PAFAH1B1: variants seen among roughly 807,000 people sequenced by gnomAD.
PAFAH1B1 encodes the protein platelet-activating factor acetylhydrolase IB subunit beta.
A neutral mutation model predicts 57.5 loss-of-function variants in PAFAH1B1; 2 were observed. The ratio of observed to expected loss-of-function variants is 0.03; its 90% CI spans 0.01 to 0.11. PAFAH1B1 has a LOEUF of 0.11. Ranked by LOEUF, PAFAH1B1 falls within the 10% of genes least tolerant of loss-of-function variation. PAFAH1B1 has a pLI of 1.00. For synonymous variants in PAFAH1B1, 152 were observed against 169.6 expected (o/e 0.90, Z 0.81); for missense variants, 257 against 512.0 (o/e 0.50, Z 4.81).
chr17:2,624,618 G>A (rs988457990), intron 1 of PAFAH1B1, among the ~76,000 whole-genome samples: 4 of 152,182 alleles, frequency 2.6e-5, no homozygotes, highest in South Asian at 4.1e-4. Context: ...GCACAGGAAA[G>A]ACTGGCCCCG....
At chr17:2,624,766 C>T (rs2068467234) in intron 1 of PAFAH1B1, among the ~76,000 whole-genome samples, 1 of 152,140 alleles carries the variant, frequency 6.6e-6, no homozygotes, top group African/African-American at 2.4e-5. Context: ...TAGTCTTGAA[C>T]TCCTGGGCTC....
intron 3 of PAFAH1B1, 113 bp from the exon 4 acceptor site, chr17:2,665,903 C>G: frequency 8.8e-7 from 1 of 1,141,604 alleles, no homozygotes; most frequent in Non-Finnish European, 1.2e-6. Flanking sequence ...CCCAGCCACT[C>G]CCTTTTTTTA....
chr17:2,629,616 T>A (rs1308503547), intron 1 of PAFAH1B1, among the ~76,000 whole-genome samples: 2 of 152,194 alleles, frequency 1.3e-5, no homozygotes, highest in African/African-American at 4.8e-5. Context: ...CAGGGTATAG[T>A]TTAAATCCGT....
At chr17:2,647,668 C>T (rs1309840666) in intron 2 of PAFAH1B1, among the ~76,000 whole-genome samples, 6 of 152,186 alleles carry the variant, frequency 3.9e-5, no homozygotes, top group Non-Finnish European at 8.8e-5. Context: ...CATCCACTCT[C>T]ATGCTGCTAA....
rs1300448481 is a variant in PAFAH1B1 at position 2,682,303 on chromosome 17, A to G, written c.*501A>G. The G allele has an allele frequency of 1.3e-5, 2 of 153,550 alleles. No homozygotes were observed. Among genetic ancestry groups the G allele is most frequent in the African/African-American group, 4.8e-5 (2 of 41,480 alleles). The allele number at this position is 153,550 out of a possible 1,614,324, so 9.5% of individuals were successfully genotyped here. ...ATTTTAGATGATAAGGCTACAATTC[A>G]GAATCTTCTGAACCATCTATGTAAT... On this transcript the variant is annotated 3_prime_UTR_variant, in exon 11 of 11. Coordinates refer to ENST00000397195, the MANE Select transcript of PAFAH1B1 (RefSeq NM_000430.4).
intron 1 of PAFAH1B1, among the ~76,000 whole-genome samples, chr17:2,621,250 A>C (rs1000794809): frequency 1.3e-5 from 2 of 152,016 alleles, no homozygotes; most frequent in African/African-American, 4.8e-5. Context: ...GAAAGGCCCC[A>C]GTGTGTGTGG....
At chr17:2,612,783 A>AT (rs1420273270) in intron 1 of PAFAH1B1, among the ~76,000 whole-genome samples, 1 of 150,936 alleles carries the variant, frequency 6.6e-6, no homozygotes, top group Non-Finnish European at 1.5e-5. Context: ...GCTGTTTTTG[A>AT]TTTTTTGTAG....
intron 1 of PAFAH1B1, among the ~76,000 whole-genome samples, chr17:2,615,174 CTA>C (rs1237204869): frequency 1.3e-5 from 2 of 151,946 alleles, no homozygotes; most frequent in East Asian, 3.8e-4. Flanking sequence ...TCTAAGTAAT[CTA>C]GAGATGATTT....
At position 2,681,819 on chromosome 17, in the gene PAFAH1B1, C is replaced by T. The variant is rs6628; in HGVS notation, c.*17C>T. 0.23 allele frequency: 371,452 copies of T among 1,589,384 alleles called. 45,961 individuals carry two copies. Among genetic ancestry groups the T allele is most frequent in the Non-Finnish European group, 0.26 (301,192 of 1,160,178 alleles). ...TGCCGTTGATTGTGTCTCCTTCGGCCCCTCCTCCCTCTTTTCCTCTGGATG... is the reference window on the plus strand; with the variant it reads ...TGCCGTTGATTGTGTCTCCTTCGGCTCCTCCTCCCTCTTTTCCTCTGGATG... On this transcript the variant is annotated 3_prime_UTR_variant, in exon 11 of 11. Transcript: ENST00000397195.
At position 2,682,247 on chromosome 17, in the gene PAFAH1B1, C is replaced by G. The variant is rs968776582; in HGVS notation, c.*445C>G. 1 of 155,140 alleles carries G rather than the reference C, an allele frequency of 6.4e-6. No individual in the cohort carries two copies. The highest frequency in any genetic ancestry group is 1.4e-5 in the Non-Finnish European group (1 of 69,668). 9.6% of individuals were successfully genotyped at this position (155,140 alleles called of 1,614,324 possible). ...TGAAATGTGTATCTATGTAACATCA[C>G]TTAAGTGTGCTTAATAAATCTTCTG... On this transcript the variant is annotated 3_prime_UTR_variant, in exon 11 of 11. Coordinates refer to ENST00000397195, the MANE Select transcript of PAFAH1B1 (RefSeq NM_000430.4).
chr17:2,621,821 G>A (rs1451201665), intron 1 of PAFAH1B1, among the ~76,000 whole-genome samples: 4 of 151,764 alleles, frequency 2.6e-5, no homozygotes, highest in African/African-American at 7.3e-5. Context: ...TGGGGTGTAT[G>A]TATTCGTTCG....
intron 5 of PAFAH1B1, 155 bp downstream of exon 5, chr17:2,667,353 A>G (rs775604773): frequency 3.0e-5 from 19 of 631,014 alleles, no homozygotes; most frequent in Non-Finnish European, 5.4e-5. Flanking sequence ...AAGCAGACTT[A>G]ATAGGGTGAA....
chr17:2,650,254 G>T (rs1163581750), intron 2 of PAFAH1B1, among the ~76,000 whole-genome samples: 1 of 152,106 alleles, frequency 6.6e-6, no homozygotes, highest in Non-Finnish European at 1.5e-5. Flanking sequence ...GCTCACGCCT[G>T]TAATCCCAAC....
At chr17:2,611,631 T>G (rs2068267843) in intron 1 of PAFAH1B1, among the ~76,000 whole-genome samples, 1 of 152,178 alleles carries the variant, frequency 6.6e-6, no homozygotes, top group South Asian at 2.1e-4. Flanking sequence ...GGTTTTTGTT[T>G]GTTTTGAGTC....
intron 7 of PAFAH1B1, 24 bp from the exon 8 acceptor site, chr17:2,674,036 G>A (rs1427615510): frequency 6.6e-7 from 1 of 1,504,672 alleles, no homozygotes; most frequent in South Asian, 1.1e-5. Context: ...CATTCACAGT[G>A]TAAGTTATTA....
At chr17:2,603,812 C>T (rs574216201) in intron 1 of PAFAH1B1, among the ~76,000 whole-genome samples, 1 of 151,580 alleles carries the variant, frequency 6.6e-6, no homozygotes, top group African/African-American at 2.4e-5. Flanking sequence ...ACGATCTTGG[C>T]TTACTGCAGC....
chr17:2,638,600 C>A (rs752315757), intron 2 of PAFAH1B1: 1 of 340,552 alleles, frequency 2.9e-6, no homozygotes, highest in Admixed American at 4.5e-5. Flanking sequence ...CTCCGCCTCC[C>A]AGGTTCAAGC....
intron 5 of PAFAH1B1, among the ~76,000 whole-genome samples, chr17:2,668,365 C>G (rs1023424280): frequency 2.0e-5 from 3 of 151,728 alleles, no homozygotes; most frequent in African/African-American, 7.3e-5. Flanking sequence ...ACGGTTTGGC[C>G]TTACTACTAA....
chr17:2,671,454 C>T (rs1467879509), intron 6 of PAFAH1B1, among the ~76,000 whole-genome samples: 1 of 152,056 alleles, frequency 6.6e-6, no homozygotes, highest in African/African-American at 2.4e-5. Context: ...TGATCTGCCT[C>T]AGCCTCCCAA....
Sources: gnomAD v4.1 joint callset for allele counts (sites outside exome capture counted in the v4.1 genomes callset) on GRCh38, gnomAD v4.1.1 for gene constraint, MANE v1.5 for transcripts, NCBI Gene and HGNC (gene_info 2026-07-23, HGNC 2026-07-21) for gene names.